The following PGM5 variants were observed in gnomAD, a reference collection of about 807,000 sequenced individuals.
PGM5 encodes the protein phosphoglucomutase-like protein 5.
PGM5 carries 23 observed loss-of-function variants against 59.2 expected under a neutral mutation model. The ratio of observed to expected loss-of-function variants is 0.39; its 90% CI spans 0.28 to 0.55. The LOEUF is 0.55. Ranked by LOEUF, PGM5 falls within the 20% of genes least tolerant of loss-of-function variation. The probability of loss-of-function intolerance (pLI) is 0.66; values close to 1 mark genes in which losing one functional copy is unlikely to be tolerated. For missense variants in PGM5, 574 were observed against 748.3 expected (o/e 0.77, Z 2.72); for synonymous variants, 214 against 286.0 (o/e 0.75, Z 2.54).
chr9:68,500,733 G>C (rs782761150), intron 10 of PGM5, among the ~76,000 whole-genome samples: 1 of 152,208 alleles, frequency 6.6e-6, no homozygotes, highest in African/African-American at 2.4e-5. Flanking sequence ...CCAGAGCTAC[G>C]TACGTGAGGA....
chr9:68,428,368 A>G (rs1368811225), intron 6 of PGM5, among the ~76,000 whole-genome samples: 3 of 152,204 alleles, frequency 2.0e-5, no homozygotes, highest in Non-Finnish European at 2.9e-5. Flanking sequence ...ATGTGCACAT[A>G]TAGTTAGAGG....
At chr9:68,362,584 T>G (rs1281408808) in intron 1 of PGM5, among the ~76,000 whole-genome samples, 3 of 152,174 alleles carry the variant, frequency 2.0e-5, no homozygotes, top group African/African-American at 7.2e-5. Context: ...TTGTAACTAA[T>G]TAGTTTTTTA....
intron 1 of PGM5, among the ~76,000 whole-genome samples, chr9:68,364,225 G>A (rs1192599827): frequency 1.3e-5 from 2 of 151,604 alleles, no homozygotes; most frequent in African/African-American, 4.8e-5. Context: ...AGGAGCCTTG[G>A]GAGTGTCCTC....
intron 6 of PGM5, among the ~76,000 whole-genome samples, chr9:68,440,055 A>T (rs1262370990): frequency 6.6e-6 from 1 of 152,202 alleles, no homozygotes. Flanking sequence ...TCCTATTAGG[A>T]TAATTTTAAA....
At chr9:68,435,493 C>T (rs369213941) in intron 6 of PGM5, among the ~76,000 whole-genome samples, 2 of 152,144 alleles carry the variant, frequency 1.3e-5, no homozygotes, top group Admixed American at 1.3e-4. Context: ...CTTTTCCAGA[C>T]TTTCATATGA....
chr9:68,510,360 T>C (rs1221159842), intron 10 of PGM5, among the ~76,000 whole-genome samples: 1 of 151,688 alleles, frequency 6.6e-6, no homozygotes, highest in African/African-American at 2.4e-5. Context: ...ACCATGTTAG[T>C]CAGGATGGTC....
chr9:68,461,869 C>T (rs141172591), intron 6 of PGM5, among the ~76,000 whole-genome samples: 85 of 151,710 alleles, frequency 5.6e-4, no homozygotes, highest in East Asian at 4.8e-3. Context: ...TTCTGACAGA[C>T]GTGGGAAAGG....
chr9:68,482,443 G>A (rs1554687191), intron 8 of PGM5, among the ~76,000 whole-genome samples: 1 of 152,134 alleles, frequency 6.6e-6, no homozygotes, highest in South Asian at 2.1e-4. Context: ...AGGAGGAAGA[G>A]AATAAAAGAA....
chr9:68,445,585 C>A (rs1823598771), intron 6 of PGM5, among the ~76,000 whole-genome samples: 1 of 152,202 alleles, frequency 6.6e-6, no homozygotes, highest in Non-Finnish European at 1.5e-5. Context: ...TCTCTCCTTA[C>A]ACTTGCTCAC....
intron 10 of PGM5, among the ~76,000 whole-genome samples, chr9:68,507,657 T>G (rs1564025087): frequency 1.3e-5 from 2 of 152,036 alleles, no homozygotes; most frequent in African/African-American, 2.4e-5. Context: ...TCTAGTGGTG[T>G]TGAAAGGAAT....
chr9:68,439,714 C>CAT (rs1217830174), intron 6 of PGM5, among the ~76,000 whole-genome samples: 51 of 149,972 alleles, frequency 3.4e-4, no homozygotes, highest in African/African-American at 1.2e-3. Context: ...TATACACACA[C>CAT]ACATATATAT....
chr9:68,418,889 A>C (rs1823081632), intron 6 of PGM5, among the ~76,000 whole-genome samples: 1 of 152,140 alleles, frequency 6.6e-6, no homozygotes, highest in South Asian at 2.1e-4. Flanking sequence ...TGGGAGATGA[A>C]GTTCAGAGGG....
At chr9:68,462,608 C>A (rs1224869117) in intron 6 of PGM5, among the ~76,000 whole-genome samples, 1 of 152,080 alleles carries the variant, frequency 6.6e-6, no homozygotes, top group East Asian at 1.9e-4. Context: ...CTGGGGAAAT[C>A]CTTTTCCCTC....
intron 6 of PGM5, among the ~76,000 whole-genome samples, chr9:68,462,131 G>T (rs1272098123): frequency 6.8e-6 from 1 of 147,736 alleles, no homozygotes; most frequent in East Asian, 1.9e-4. Context: ...CTTCTCACTC[G>T]CAGGAAAAAA....
At chr9:68,484,445 T>C (rs1824254020) in intron 9 of PGM5, among the ~76,000 whole-genome samples, 1 of 145,480 alleles carries the variant, frequency 6.9e-6, no homozygotes, top group Admixed American at 6.9e-5. Flanking sequence ...GAGGCTAAGG[T>C]GGGAGGATCG....
intron 6 of PGM5, among the ~76,000 whole-genome samples, chr9:68,447,717 AT>A (rs782656002): frequency 4.7e-4 from 71 of 152,106 alleles, no homozygotes; most frequent in Non-Finnish European, 8.8e-4. Flanking sequence ...TTTATAAACA[AT>A]TTTTTATAGG....
At chr9:68,443,218 C>T (rs1823555922) in intron 6 of PGM5, among the ~76,000 whole-genome samples, 1 of 152,194 alleles carries the variant, frequency 6.6e-6, no homozygotes. Flanking sequence ...ATACACACAA[C>T]TTGGATGCAT....
chr9:68,377,255 G>T (rs1821945019), intron 1 of PGM5, among the ~76,000 whole-genome samples: 1 of 152,102 alleles, frequency 6.6e-6, no homozygotes, highest in South Asian at 2.1e-4. Context: ...AAGCTTGCAG[G>T]TGATGCCCAT....
intron 1 of PGM5, among the ~76,000 whole-genome samples, chr9:68,366,097 T>C (rs1554676646): frequency 1.3e-5 from 2 of 152,044 alleles, no homozygotes; most frequent in Non-Finnish European, 2.9e-5. Context: ...ATACTGTTCA[T>C]AGAAGTTAAA....
Sources: gnomAD v4.1 joint callset for allele counts (sites outside exome capture counted in the v4.1 genomes callset) on GRCh38, gnomAD v4.1.1 for gene constraint, MANE v1.5 for transcripts, NCBI Gene and HGNC (gene_info 2026-07-23, HGNC 2026-07-21) for gene names.